DPP6: variants seen among roughly 807,000 people sequenced by gnomAD.
The protein encoded by DPP6 is A-type potassium channel modulatory protein DPP6.
Under a neutral mutation model 122.6 loss-of-function variants are expected in DPP6, and 69 were observed. That is an observed-to-expected ratio of 0.56 (90% CI 0.46 to 0.69). DPP6 has a LOEUF of 0.69. DPP6 is among the 30% of genes least tolerant of loss of function. The pLI is 0.00. For synonymous variants in DPP6, 418 were observed against 433.1 expected (o/e 0.97, Z 0.43); for missense variants, 928 against 1,116.9 (o/e 0.83, Z 2.41).
At chr7:153,779,076 A>G in the DPP6 span, among the ~76,000 whole-genome samples, 1 of 147,536 alleles carries the variant, frequency 6.8e-6, no homozygotes, top group South Asian at 2.1e-4. Flanking sequence ...AAAAGCCACA[A>G]TCAAAAAGCT....
At chr7:154,774,595 A>G (rs1796451796) in intron 10 of DPP6, among the ~76,000 whole-genome samples, 1 of 152,238 alleles carries the variant, frequency 6.6e-6, no homozygotes, top group Non-Finnish European at 1.5e-5. Flanking sequence ...CCTAAGCTCA[A>G]TGCAATAATG....
At chr7:154,112,039 A>AT (rs1806625898) in intron 1 of DPP6, among the ~76,000 whole-genome samples, 1 of 152,158 alleles carries the variant, frequency 6.6e-6, no homozygotes, top group South Asian at 2.1e-4. Context: ...ACTCTCCCAG[A>AT]TTCTCCTTGC....
At chr7:154,603,595 G>A (rs1833489195) in intron 5 of DPP6, among the ~76,000 whole-genome samples, 1 of 89,424 alleles carries the variant, frequency 1.1e-5, no homozygotes. Context: ...GGTGGAGGTT[G>A]CAATGAGCCA....
chr7:154,206,202 C>G (rs1253420701), intron 1 of DPP6, among the ~76,000 whole-genome samples: 1 of 152,212 alleles, frequency 6.6e-6, no homozygotes, highest in Non-Finnish European at 1.5e-5. Context: ...TCTCTTCCTT[C>G]CCCTCAAAGA....
the DPP6 span, among the ~76,000 whole-genome samples, chr7:153,763,881 G>A: frequency 1.3e-5 from 2 of 152,150 alleles, no homozygotes; most frequent in Non-Finnish European, 2.9e-5. Flanking sequence ...AAGCTCTAAC[G>A]AAAATGATGT....
rs1806813998 is a variant in DPP6, at chr7:154,893,481, C to CA, written c.*1002dup. ...AAAAAAAAAAAAAAAAAAAAAAAAA[C>CA]AGAAAAAAGACAAAGCGTCAACTCC... On this transcript the variant is annotated 3_prime_UTR_variant, in exon 26 of 26. Transcript: ENST00000377770. The CA allele has an allele frequency of 1.4e-5, 1 of 72,862 alleles. No homozygotes were observed. The highest frequency in any genetic ancestry group is 3.8e-4 in the East Asian group (1 of 2,660). The allele number at this position is 72,862 out of a possible 1,614,324, so 4.5% of individuals were successfully genotyped here.
At chr7:154,848,747 A>C (rs147386195) in intron 16 of DPP6, among the ~76,000 whole-genome samples, 316 of 152,332 alleles carry the variant, frequency 2.1e-3, no homozygotes, top group African/African-American at 7.2e-3. Flanking sequence ...GACCAATGTC[A>C]TGGAGCTTTT....
intron 1 of DPP6, among the ~76,000 whole-genome samples, chr7:154,400,657 G>A (rs763490048): frequency 5.3e-5 from 8 of 152,162 alleles, no homozygotes; most frequent in Non-Finnish European, 1.0e-4. Context: ...TAGCCAGATA[G>A]GCAAGCATGG....
At chr7:154,527,692 A>T (rs910692104) in intron 3 of DPP6, among the ~76,000 whole-genome samples, 1 of 152,200 alleles carries the variant, frequency 6.6e-6, no homozygotes, top group African/African-American at 2.4e-5. Flanking sequence ...TGTGATATTT[A>T]TACAATCAGG....
chr7:153,927,727 T>C (rs1363756340), intron 1 of DPP6, among the ~76,000 whole-genome samples: 1 of 152,164 alleles, frequency 6.6e-6, no homozygotes, highest in Non-Finnish European at 1.5e-5. Context: ...AGGAAGACTT[T>C]GTCTTAGTCC....
At chr7:154,159,827 G>A (rs1229329430) in intron 1 of DPP6, among the ~76,000 whole-genome samples, 1 of 151,980 alleles carries the variant, frequency 6.6e-6, no homozygotes, top group African/African-American at 2.4e-5. Context: ...AACATCAGAT[G>A]GCCAGTCGCA....
intron 1 of DPP6, among the ~76,000 whole-genome samples, chr7:154,174,468 C>A (rs530905258): frequency 3.9e-4 from 59 of 152,334 alleles, no homozygotes; most frequent in Admixed American, 6.5e-4. Context: ...GCTGGAAATA[C>A]CTCTGTTAGA....
At chr7:154,422,921 G>T (rs760721409) in intron 1 of DPP6, among the ~76,000 whole-genome samples, 2 of 152,066 alleles carry the variant, frequency 1.3e-5, no homozygotes, top group Non-Finnish European at 2.9e-5. Context: ...TGTCAAAAAC[G>T]TTCAATGTGC....
intron 4 of DPP6, among the ~76,000 whole-genome samples, chr7:154,548,406 T>C (rs1586599807): frequency 6.6e-6 from 1 of 151,438 alleles, no homozygotes; most frequent in East Asian, 1.9e-4. Context: ...TCTATGCCTG[T>C]AGTCCCAGCT....
intron 1 of DPP6, among the ~76,000 whole-genome samples, chr7:154,147,475 TTCC>T (rs1796157473): frequency 7.1e-6 from 1 of 141,452 alleles, no homozygotes; most frequent in South Asian, 2.1e-4. Context: ...CCTTCCTTCC[TTCC>T]TTCCTTCCTT....
At chr7:154,687,432 T>C (rs562044515) in intron 7 of DPP6, among the ~76,000 whole-genome samples, 25 of 152,258 alleles carry the variant, frequency 1.6e-4, no homozygotes, top group Non-Finnish European at 3.4e-4. Flanking sequence ...TTGCTGTGTG[T>C]ATATTTCATT....
intron 1 of DPP6, among the ~76,000 whole-genome samples, chr7:153,939,059 A>G (rs1801583273): frequency 6.6e-6 from 1 of 152,202 alleles, no homozygotes; most frequent in African/African-American, 2.4e-5. Context: ...CTGGGTGTTC[A>G]CTGCAATTTG....
chr7:154,245,635 C>CAAAAAAAAAAAAAAAA lies in DPP6; in HGVS notation c.243+192574_243+192589dup, dbSNP rs71182888. 4.7e-4 allele frequency among the ~76,000 whole-genome samples: 47 copies of CAAAAAAAAAAAAAAAA among 100,636 alleles called. 1 individual carries two copies. The highest frequency in any genetic ancestry group is 9.9e-4 in the South Asian group (3 of 3,036). 66.0% of individuals were successfully genotyped at this position (100,636 alleles called of 152,430 possible). A position where few individuals can be genotyped will look rare whatever the true frequency, so the allele number is the denominator to read the frequency against. On this transcript the variant is annotated intron_variant, in intron 1 of 25. Coordinates refer to ENST00000377770, the MANE Select transcript of DPP6 (RefSeq NM_130797.4). ...CTGGGCAACAAGAGTAAGACTGTCT[C>CAAAAAAAAAAAAAAAA]AAAAAAAAAAAAAAAAAGCTATGGC...
chr7:153,941,832 A>G (rs1003349460), intron 1 of DPP6, among the ~76,000 whole-genome samples: 1 of 152,100 alleles, frequency 6.6e-6, no homozygotes, highest in African/African-American at 2.4e-5. Flanking sequence ...ATAAGAAACA[A>G]TCTCTCTTGC....
Sources: gnomAD v4.1 joint callset for allele counts (sites outside exome capture counted in the v4.1 genomes callset) on GRCh38, gnomAD v4.1.1 for gene constraint, MANE v1.5 for transcripts, NCBI Gene and HGNC (gene_info 2026-07-23, HGNC 2026-07-21) for gene names.